Variants in MAF1 observed in about 807,000 individuals in gnomAD.
MAF1 encodes the protein MAF1 negative regulator of RNA polymerase III.
A neutral mutation model predicts 31.9 loss-of-function variants in MAF1; 7 were observed. The observed-to-expected ratio is 0.22, with a 90% CI of 0.12 to 0.41. MAF1 has a LOEUF of 0.41. Ranked by LOEUF, MAF1 falls within the 10% of genes least tolerant of loss-of-function variation. MAF1 has a pLI of 1.00. For missense variants in MAF1, 221 were observed against 323.1 expected (o/e 0.68, Z 2.42); for synonymous variants, 157 against 120.0 (o/e 1.31, Z -2.02).
rs746696579 is a variant in MAF1, at chr8:144,106,600, C to T, written c.546C>T (p.Ser182=). 1.5e-5 allele frequency: 24 copies of T among 1,613,782 alleles called. No homozygotes were observed. The Admixed American group carries it at 2.2e-4, about 15-fold the overall frequency. Residue 182 remains serine, a synonymous_variant, in exon 6 of 8, where the codon AGC becomes AGT. Transcript: ENST00000322428. ...LDSDPFGEDG[S]LWSFNYFFYN... ...CAGATCCCTTCGGGGAGGATGGTAG[C>T]CTCTGGTCCTTCAACTACTTCTTCT...
chr8:144,105,372 C>T (rs1836391526), intron 1 of MAF1: 4 of 379,814 alleles, frequency 1.1e-5, no homozygotes, highest in South Asian at 9.9e-5. Flanking sequence ...CCAGGGTGAG[C>T]AGGGTCCCCG....
In MAF1 at chr8:144,105,670, C is replaced by A; in HGVS notation, c.-14C>A. 2 of 1,612,280 alleles carry A rather than the reference C, an allele frequency of 1.2e-6. No homozygotes were observed. Among genetic ancestry groups the A allele is most frequent in the Non-Finnish European group, 1.7e-6 (2 of 1,179,024 alleles). On this transcript the variant is annotated 5_prime_UTR_variant, in exon 2 of 8. Transcript: ENST00000322428. ...ACTAGCCCCTCTGGAGCACGGAGCT[C>A]CTTCCCCAAAGACATGAAGCTATTG...
rs1468415701 is a variant in MAF1, at chr8:144,106,015, C to T, written c.212+18C>T. On this transcript the variant is annotated intron_variant, in intron 3 of 7. Transcript: ENST00000322428. ...CCCAGCAGGTGAGCCATGGTGGGGC[C>T]TACCTGGGGCTGGGGGTTGAGGGGA... 1 of 1,613,292 alleles carries T rather than the reference C, an allele frequency of 6.2e-7. No individual in the cohort carries two copies. The highest frequency in any genetic ancestry group is 8.5e-7 in the Non-Finnish European group (1 of 1,179,994).
In MAF1 at chr8:144,107,525, G is replaced by A. The variant is rs895602399; in HGVS notation, c.*416G>A. 8.3e-6 allele frequency: 5 copies of A among 600,778 alleles called. No individual in the cohort carries two copies. Among genetic ancestry groups the A allele is most frequent in the African/African-American group, 5.5e-5 (3 of 54,118 alleles). 37.2% of individuals were successfully genotyped at this position (600,778 alleles called of 1,614,324 possible). On this transcript the variant is annotated 3_prime_UTR_variant, in exon 8 of 8. Transcript: ENST00000322428. ...CTTGGGCCGGCCCCGGTGCCCACCT[G>A]TACCCCCACCTCGCCCATTTGGCCG...
chr8:144,105,634 C>T lies in MAF1; in HGVS notation c.-44-6C>T, dbSNP rs764553309. The T allele has an allele frequency of 9.7e-6, 15 of 1,541,652 alleles. No individual in the cohort carries two copies. In the East Asian group the frequency reaches 2.7e-4, roughly 28 times the overall value. On this transcript the variant is annotated splice_region_variant and splice_polypyrimidine_tract_variant and intron_variant, in intron 1 of 7. Coordinates refer to ENST00000322428, the MANE Select transcript of MAF1 (RefSeq NM_032272.5). Reference sequence around the variant, plus strand: ...GATACCCATGGTCTGGTCTCTCACTCCCCAGGCAATACTAGCCCCTCTGGA... The same window carrying T: ...GATACCCATGGTCTGGTCTCTCACTTCCCAGGCAATACTAGCCCCTCTGGA...
In MAF1 at chr8:144,105,643, A is replaced by C. The variant is rs368088636; in HGVS notation, c.-41A>C. 4.4e-6 allele frequency: 7 copies of C among 1,577,962 alleles called. No homozygotes were observed. The highest frequency in any genetic ancestry group is 6.1e-6 in the Non-Finnish European group (7 of 1,148,122). ...GGTCTGGTCTCTCACTCCCCAGGCA[A>C]TACTAGCCCCTCTGGAGCACGGAGC... is the stretch of plus-strand genomic sequence containing the variant. On this transcript the variant is annotated 5_prime_UTR_variant, in exon 2 of 8. Transcript: ENST00000322428.
chr8:144,106,306 C>T (rs767962463), intron 4 of MAF1, 37 bp from the exon 5 acceptor site: 2 of 1,612,724 alleles, frequency 1.2e-6, no homozygotes, highest in Non-Finnish European at 1.7e-6. Context: ...TTTGGGTAGC[C>T]CTGGGCTCCT....
Position 144,105,910 on chromosome 8 carries a change from A to C in MAF1, c.125A>C (p.His42Pro). The C allele has an allele frequency of 1.2e-6, 2 of 1,612,988 alleles. No homozygotes were observed. Among genetic ancestry groups the C allele is most frequent in the Non-Finnish European group, 1.7e-6 (2 of 1,180,002 alleles). Residue 42 changes from histidine to proline, a missense_variant, in exon 3 of 8, where the codon CAC becomes CCC. Transcript: ENST00000322428. ...TGTAAGATGGCAGGAGACGACAAAC[A>C]CATGTTCAAGCAGTTCTGCCAGGAG... ...YSCKMAGDDKHMFKQFCQEGQ... is the reference protein window; with the variant it reads ...YSCKMAGDDKPMFKQFCQEGQ...
In MAF1 at chr8:144,104,520, G is replaced by A. The variant is rs1192261228; in HGVS notation, c.-383G>A. ...TGTTGTTGTCCGGCCGGGGGAGGCG[G>A]AGGTCGCTCGCTCGCTCGCTCGGCT... On this transcript the variant is annotated 5_prime_UTR_variant, in exon 1 of 8. Transcript: ENST00000322428. The A allele has an allele frequency of 2.6e-5, 4 of 152,226 alleles. No homozygotes were observed. In the South Asian group the frequency reaches 6.2e-4, roughly 24 times the overall value. The allele number at this position is 152,226 out of a possible 1,614,324, so 9.4% of individuals were successfully genotyped here.
rs1297515378 is a variant in MAF1, at chr8:144,107,580, C to G, written c.*471C>G. 3.4e-6 allele frequency: 2 copies of G among 590,824 alleles called. No individual in the cohort carries two copies. Among genetic ancestry groups the G allele is most frequent in the East Asian group, 5.5e-5 (2 of 36,354 alleles). The allele number at this position is 590,824 out of a possible 1,614,324, so 36.6% of individuals were successfully genotyped here. A position where few individuals can be genotyped will look rare whatever the true frequency, so the allele number is the denominator to read the frequency against. ...CACTGAGTGTCACTTTGCTGCAGCT[C>G]GTTTCTTTCCAATAAAAGTTTCTGT... On this transcript the variant is annotated 3_prime_UTR_variant, in exon 8 of 8. Coordinates refer to ENST00000322428, the MANE Select transcript of MAF1 (RefSeq NM_032272.5).
chr8:144,106,142 C>T lies in MAF1; in HGVS notation c.279C>T (p.Leu93=), dbSNP rs751058075. The T allele has an allele frequency of 1.9e-6, 3 of 1,613,830 alleles. No individual in the cohort carries two copies. Among genetic ancestry groups the T allele is most frequent in the Admixed American group, 3.3e-5 (2 of 60,034 alleles). ...GTGACAAGTGCAGCCGCAAGACCCT[C>T]TTCTACCTGATTGCCACGCTCAATG... ...PLSDKCSRKT[L]FYLIATLNES... The change falls in exon 4 of 8, where the codon CTC becomes CTT. Residue 93 remains leucine (L), a synonymous_variant. Coordinates refer to ENST00000322428, the MANE Select transcript of MAF1 (RefSeq NM_032272.5).
intron 1 of MAF1, chr8:144,105,328 TG>T: frequency 3.7e-6 from 1 of 267,200 alleles, no homozygotes; most frequent in Non-Finnish European, 7.3e-6. Context: ...AGATGGGGAA[TG>T]GGAATGTTGA....
At position 144,107,478 on chromosome 8, in the gene MAF1, C is replaced by G. The variant is rs1836438107; in HGVS notation, c.*369C>G. 1.7e-6 allele frequency: 1 copy of G among 588,786 alleles called. No individual in the cohort carries two copies. Among genetic ancestry groups the G allele is most frequent in the Admixed American group, 3.0e-5 (1 of 33,654 alleles). The allele number at this position is 588,786 out of a possible 1,614,324, so 36.5% of individuals were successfully genotyped here. ...GTGGCCGGAGGCCCCACGAGCAGGC[C>G]CCAGCAGTCACCGGCTCTGGTCTTG... is the stretch of plus-strand genomic sequence containing the variant. On this transcript the variant is annotated 3_prime_UTR_variant, in exon 8 of 8. Transcript: ENST00000322428.
rs867475241 is a variant in MAF1, at chr8:144,105,855, T to C, written c.84-14T>C. 3.7e-6 allele frequency: 6 copies of C among 1,612,946 alleles called. No homozygotes were observed. The highest frequency in any genetic ancestry group is 3.3e-4 in the Middle Eastern group (2 of 6,062). On this transcript the variant is annotated splice_polypyrimidine_tract_variant and intron_variant, in intron 2 of 7. Transcript: ENST00000322428. ...GGGGGAAGCATGCTTCATGGTTCTC[T>C]CTGCATCCTATAGGATTGAGAGCTA...
Position 144,106,959 on chromosome 8 carries a change from G to A in MAF1, c.745G>A (p.Asp249Asn), listed in dbSNP as rs2130022670. ...CGAGGAGACCAGCACCATGGAGGAGGACAGGTGTGTGATGGGGGCCATGAC... is the reference window on the plus strand; with the variant it reads ...CGAGGAGACCAGCACCATGGAGGAGAACAGGTGTGTGATGGGGGCCATGAC... ...GAEETSTMEE[D>N]RVPVICI The change falls in exon 7 of 8, where the codon GAC becomes AAC. Residue 249 changes from aspartate (D) to asparagine (N), a missense_variant. Around this residue, in one of 2 missense-constraint regions of MAF1, gnomAD observed 75 missense variants for 60.1 expected, o/e 1.25. Transcript: ENST00000322428. 1 of 1,533,084 alleles carries A rather than the reference G, an allele frequency of 6.5e-7. No homozygotes were observed. The highest frequency in any genetic ancestry group is 8.8e-7 in the Non-Finnish European group (1 of 1,137,640). 95.0% of individuals were successfully genotyped at this position (1,533,084 alleles called of 1,614,324 possible).
At chr8:144,105,562 A>T (rs1836394877) in intron 1 of MAF1, 78 bp from the exon 2 acceptor site, 2 of 824,364 alleles carry the variant, frequency 2.4e-6, no homozygotes, top group South Asian at 1.5e-5. Context: ...TAGCGGCTCC[A>T]CTTAGTGGGT....
rs1836433323 is a variant in MAF1 at position 144,107,235 on chromosome 8, C to T, written c.*126C>T. 2 of 1,248,636 alleles carry T rather than the reference C, an allele frequency of 1.6e-6. No homozygotes were observed. 77.3% of individuals were successfully genotyped at this position (1,248,636 alleles called of 1,614,324 possible). On this transcript the variant is annotated 3_prime_UTR_variant, in exon 8 of 8. Transcript: ENST00000322428. ...TGGCGCTGCCACAGTCCTGGCACTG[C>T]CCAAGGCCATACCTGCCTAGCCCTT...
Position 144,106,205 on chromosome 8 carries a change from C to T in MAF1, c.342C>T (p.Arg114=), listed in dbSNP as rs920358978. ...CTGACTATGACTTCAGCACAGCCCG[C>T]AGCCATGAGTTCAGCCGGGAGCCCA... ...FRPDYDFSTA[R]SHEFSREPSL... Residue 114 remains arginine, a synonymous_variant, in exon 4 of 8, where the codon CGC becomes CGT. Coordinates refer to ENST00000322428, the MANE Select transcript of MAF1 (RefSeq NM_032272.5). 1 of 1,613,688 alleles carries T rather than the reference C, an allele frequency of 6.2e-7. No individual in the cohort carries two copies. The highest frequency in any genetic ancestry group is 8.5e-7 in the Non-Finnish European group (1 of 1,180,046).
chr8:144,107,370 G>A lies in MAF1; in HGVS notation c.*261G>A, dbSNP rs1836435991. ...GGAGGAGCGACTGCCCTGCCCAAAT[G>A]AACTGCCACAGCAGGGACAGCTGGA... On this transcript the variant is annotated 3_prime_UTR_variant, in exon 8 of 8. Coordinates refer to ENST00000322428, the MANE Select transcript of MAF1 (RefSeq NM_032272.5). 1.7e-6 allele frequency: 1 copy of A among 599,548 alleles called. No individual in the cohort carries two copies. Among genetic ancestry groups the A allele is most frequent in the Non-Finnish European group, 3.0e-6 (1 of 335,754 alleles). 37.1% of individuals were successfully genotyped at this position (599,548 alleles called of 1,614,324 possible). A position where few individuals can be genotyped will look rare whatever the true frequency, so the allele number is the denominator to read the frequency against.
Sources: gnomAD v4.1 joint callset for allele counts on GRCh38, gnomAD v4.1.1 for gene constraint, gnomAD v4.1.1 regional missense constraint, MANE v1.5 for transcripts, NCBI Gene and HGNC (gene_info 2026-07-23, HGNC 2026-07-21) for gene names.